SMURF1: variants seen among roughly 807,000 people sequenced by gnomAD.
SMURF1 encodes the protein SMAD specific E3 ubiquitin protein ligase 1.
A neutral mutation model predicts 98.0 loss-of-function variants in SMURF1; 44 were observed. That is an observed-to-expected ratio of 0.45 (90% CI 0.35 to 0.58). The LOEUF is 0.58. Ranked by LOEUF, SMURF1 falls within the 20% of genes least tolerant of loss-of-function variation. The probability of loss-of-function intolerance (pLI) is 0.00; values close to 1 mark genes in which losing one functional copy is unlikely to be tolerated. For missense variants in SMURF1, 687 were observed against 938.4 expected, an observed-to-expected ratio of 0.73 and a Z score of 3.50; for synonymous variants, 396 against 374.9, an observed-to-expected ratio of 1.06 and a Z score of -0.65.
chr7:99,136,516 T>C (rs1165449567), intron 1 of SMURF1, among the ~76,000 whole-genome samples: 1 of 152,218 alleles, frequency 6.6e-6, no homozygotes, highest in African/African-American at 2.4e-5. Context: ...TAAAGATATA[T>C]CATAACGTCT....
At chr7:99,095,721 A>C (rs905055314) in intron 1 of SMURF1, among the ~76,000 whole-genome samples, 4 of 152,258 alleles carry the variant, frequency 2.6e-5, no homozygotes, top group Non-Finnish European at 4.4e-5. Flanking sequence ...ATGTTTTCTT[A>C]AAGATCTCAA....
At chr7:99,126,883 G>A (rs535469404) in intron 1 of SMURF1, among the ~76,000 whole-genome samples, 111 of 152,334 alleles carry the variant, frequency 7.3e-4, no homozygotes, top group African/African-American at 2.6e-3. Flanking sequence ...TATATCAAGA[G>A]GAGCTGTGTG....
At chr7:99,082,626 A>T (rs1311606489) in intron 1 of SMURF1, among the ~76,000 whole-genome samples, 2 of 152,222 alleles carry the variant, frequency 1.3e-5, no homozygotes, top group African/African-American at 4.8e-5. Context: ...GCTTTGTAGT[A>T]AGTTTTGAAA....
intron 8 of SMURF1, chr7:99,050,812 C>A (rs1795728998): frequency 3.5e-6 from 3 of 845,482 alleles, no homozygotes; most frequent in Non-Finnish European, 3.6e-6. Flanking sequence ...TAAATATTAC[C>A]AAAAATCATA....
chr7:99,114,224 G>A (rs1797391298), intron 1 of SMURF1, among the ~76,000 whole-genome samples: 1 of 151,684 alleles, frequency 6.6e-6, no homozygotes, highest in Non-Finnish European at 1.5e-5. Flanking sequence ...TGTACTAAAG[G>A]GAATTAAAAT....
At position 99,144,031 on chromosome 7, in the gene SMURF1, G is replaced by GCCGCCGCCTCCGCCGCCGCCT. The variant is rs1554453249; in HGVS notation, c.-252_-251insAGGCGGCGGCGGAGGCGGCGG. On this transcript the variant is annotated 5_prime_UTR_variant, in exon 1 of 18. Coordinates refer to ENST00000361368, the MANE Select transcript of SMURF1 (RefSeq NM_181349.3). ...CCAGTCCCGAGCCGCCGCCGCCTCCGCCGCCGCCTCCGCCGCCTCCACCAC... is the reference window on the plus strand; with the variant it reads ...CCAGTCCCGAGCCGCCGCCGCCTCCGCCGCCGCCTCCGCCGCCGCCTCCGCCGCCTCCGCCGCCTCCACCAC... The GCCGCCGCCTCCGCCGCCGCCT allele has an allele frequency of 3.8e-6, 1 of 262,812 alleles. No homozygotes were observed. The highest frequency in any genetic ancestry group is 6.9e-5 in the East Asian group (1 of 14,410). 16.3% of individuals were successfully genotyped at this position (262,812 alleles called of 1,614,324 possible).
At chr7:99,140,281 C>CTT (rs11421940) in intron 1 of SMURF1, among the ~76,000 whole-genome samples, 4,854 of 85,748 alleles carry the variant, frequency 0.057, 164 homozygotes, top group East Asian at 0.069. Flanking sequence ...CTTCAGTATC[C>CTT]TTTTTTTTTT....
chr7:99,091,546 A>C (rs986185822), intron 1 of SMURF1, among the ~76,000 whole-genome samples: 1 of 152,188 alleles, frequency 6.6e-6, no homozygotes, highest in Non-Finnish European at 1.5e-5. Flanking sequence ...GACAGCTAGA[A>C]AGATGGTGGA....
intron 1 of SMURF1, among the ~76,000 whole-genome samples, chr7:99,064,108 G>A (rs1336411149): frequency 5.3e-5 from 8 of 152,218 alleles, no homozygotes; most frequent in African/African-American, 1.9e-4. Context: ...CCTGCATTGT[G>A]AGATAAACTC....
chr7:99,125,617 C>T (rs149274089), intron 1 of SMURF1, among the ~76,000 whole-genome samples: 1 of 152,340 alleles, frequency 6.6e-6, no homozygotes, highest in African/African-American at 2.4e-5. Context: ...GTCATCATCA[C>T]AGCTCACATT....
intron 8 of SMURF1, chr7:99,050,863 AG>A (rs1584460441): frequency 8.1e-7 from 1 of 1,240,534 alleles, no homozygotes; most frequent in African/African-American, 1.6e-5. Flanking sequence ...AAAAAGCAAA[AG>A]AAAAAAAGAA....
At position 99,041,669 on chromosome 7, in the gene SMURF1, C is replaced by T. The variant is rs137885563; in HGVS notation, c.1371+449G>A. Among the ~76,000 whole-genome samples, 141 of 152,310 alleles carry T rather than the reference C, an allele frequency of 9.3e-4. 1 individual carries two copies. The highest frequency in any genetic ancestry group is 3.2e-3 in the African/African-American group (131 of 41,566). On this transcript the variant is annotated intron_variant, in intron 12 of 17. Coordinates refer to ENST00000361368, the MANE Select transcript of SMURF1 (RefSeq NM_181349.3). ...GCCGGCTGCCCACCCTTGAGCTGGGCGTGCAAACACTGCACTGACTTCTTC... is the reference window on the plus strand; with the variant it reads ...GCCGGCTGCCCACCCTTGAGCTGGGTGTGCAAACACTGCACTGACTTCTTC...
intron 1 of SMURF1, among the ~76,000 whole-genome samples, chr7:99,083,567 C>A (rs1475476892): frequency 6.6e-6 from 1 of 152,204 alleles, no homozygotes; most frequent in Non-Finnish European, 1.5e-5. Context: ...AAACCAACTA[C>A]AATCTTGGGC....
chr7:99,057,268 G>T lies in SMURF1; in HGVS notation c.340C>A (p.Gln114Lys). 1.9e-6 allele frequency: 3 copies of T among 1,614,062 alleles called. No homozygotes were observed. The highest frequency in any genetic ancestry group is 8.5e-7 in the Non-Finnish European group (1 of 1,180,008). The change falls in exon 5 of 18, where the codon CAG (glutamine) becomes AAG (lysine). Residue 114 changes from glutamine (Q) to lysine (K), a missense_variant and splice_region_variant. Around this residue, in one of 2 missense-constraint regions of SMURF1, gnomAD observed 415 missense variants for 508.4 expected, o/e 0.82. Transcript: ENST00000361368. ...TTTAGTTTGCATAGATCCAAACGCTGGTCTGTAAACAAACAATTCAAAACT... is the reference window on the plus strand; with the variant it reads ...TTTAGTTTGCATAGATCCAAACGCTTGTCTGTAAACAAACAATTCAAAACT... ...AISRLKDTGY[Q>K]RLDLCKLNPS...
intron 1 of SMURF1, among the ~76,000 whole-genome samples, chr7:99,124,520 G>C (rs549147971): frequency 3.9e-5 from 6 of 152,306 alleles, no homozygotes; most frequent in African/African-American, 1.4e-4. Flanking sequence ...AAACGGGACA[G>C]GCGCTTCTAC....
chr7:99,100,664 T>C (rs1797057818), intron 1 of SMURF1, among the ~76,000 whole-genome samples: 1 of 152,246 alleles, frequency 6.6e-6, no homozygotes, highest in Admixed American at 6.5e-5. Context: ...GCAGATTTAT[T>C]TGAATAAATT....
intron 1 of SMURF1, among the ~76,000 whole-genome samples, chr7:99,118,864 T>A (rs1033740300): frequency 1.2e-4 from 18 of 152,122 alleles, no homozygotes; most frequent in African/African-American, 4.1e-4. Flanking sequence ...TCCTATTTAT[T>A]TCTGCATTGT....
chr7:99,103,300 T>C (rs1423405621), intron 1 of SMURF1, among the ~76,000 whole-genome samples: 1 of 152,160 alleles, frequency 6.6e-6, no homozygotes, highest in Non-Finnish European at 1.5e-5. Context: ...GTGGCCCTTT[T>C]CCTAAGCCTC....
intron 1 of SMURF1, among the ~76,000 whole-genome samples, chr7:99,087,813 A>G (rs557678333): frequency 3.8e-4 from 58 of 152,310 alleles, no homozygotes; most frequent in Admixed American, 7.2e-4. Flanking sequence ...GATGAGTACA[A>G]TAGGCTCTGG....
Sources: gnomAD v4.1 joint callset for allele counts (sites outside exome capture counted in the v4.1 genomes callset) on GRCh38, gnomAD v4.1.1 for gene constraint, gnomAD v4.1.1 regional missense constraint, MANE v1.5 for transcripts, NCBI Gene and HGNC (gene_info 2026-07-23, HGNC 2026-07-21) for gene names.